GRIA4: variants seen among roughly 807,000 people sequenced by gnomAD.
The protein encoded by GRIA4 is glutamate receptor 4.
Under a neutral mutation model 104.0 loss-of-function variants are expected in GRIA4, and 34 were observed. The observed-to-expected ratio is 0.33, with a 90% confidence interval of 0.25 to 0.44. GRIA4 has a LOEUF of 0.44. Among genes scored for constraint, GRIA4 ranks in the 20% least tolerant of loss-of-function variants. GRIA4 has a pLI of 1.00. For synonymous variants in GRIA4, 386 were observed against 381.9 expected (o/e 1.01, Z -0.13); for missense variants, 750 against 1,096.5 (o/e 0.68, Z 4.46).
intron 4 of GRIA4, among the ~76,000 whole-genome samples, chr11:105,839,722 TA>T (rs975079006): frequency 1.5e-4 from 22 of 150,742 alleles, no homozygotes; most frequent in East Asian, 3.9e-4. Flanking sequence ...AAATAAAAAA[TA>T]AAAAAAAAGA....
chr11:105,826,924 T>C (rs1481330185), intron 4 of GRIA4, among the ~76,000 whole-genome samples: 1 of 152,060 alleles, frequency 6.6e-6, no homozygotes, highest in African/African-American at 2.4e-5. Flanking sequence ...TTCTCATTAA[T>C]AGGCAATAAA....
At position 105,745,486 on chromosome 11, in the gene GRIA4, C is replaced by A. The variant is rs192530792; in HGVS notation, c.248-7495C>A. On this transcript the variant is annotated intron_variant, in intron 3 of 16. Coordinates refer to ENST00000282499, the MANE Select transcript of GRIA4 (RefSeq NM_000829.4). Reference sequence around the variant, plus strand: ...GAAGAGGTAAAGTGACAGAAAAACACAAAACATCTACCATATCTACACCGA... The same window carrying A: ...GAAGAGGTAAAGTGACAGAAAAACAAAAAACATCTACCATATCTACACCGA... 1.9e-3 allele frequency among the ~76,000 whole-genome samples: 290 copies of A among 151,742 alleles called. 2 individuals carry two copies. Among genetic ancestry groups the A allele is most frequent in the African/African-American group, 6.6e-3 (275 of 41,374 alleles).
chr11:105,651,699 C>T (rs1951690803), intron 3 of GRIA4, among the ~76,000 whole-genome samples: 1 of 151,770 alleles, frequency 6.6e-6, no homozygotes, highest in African/African-American at 2.4e-5. Context: ...CACTGTTTTC[C>T]TCTGCACACT....
At chr11:105,634,259 A>T (rs918121145) in intron 3 of GRIA4, among the ~76,000 whole-genome samples, 2 of 151,574 alleles carry the variant, frequency 1.3e-5, no homozygotes, top group African/African-American at 4.9e-5. Context: ...AGGCAGGAGA[A>T]TCACTTGAAC....
At chr11:105,806,800 C>T (rs1404511483) in intron 4 of GRIA4, among the ~76,000 whole-genome samples, 1 of 150,694 alleles carries the variant, frequency 6.6e-6, no homozygotes, top group Non-Finnish European at 1.5e-5. Flanking sequence ...GCTACATATG[C>T]ATGAAACAAG....
intron 4 of GRIA4, among the ~76,000 whole-genome samples, chr11:105,798,227 G>A (rs1942572108): frequency 6.6e-6 from 1 of 152,008 alleles, no homozygotes; most frequent in Non-Finnish European, 1.5e-5. Context: ...GTAAAGCAGG[G>A]AACAAGGATA....
chr11:105,923,280 T>C (rs1384039849), intron 11 of GRIA4, among the ~76,000 whole-genome samples: 2 of 152,174 alleles, frequency 1.3e-5, no homozygotes, highest in Non-Finnish European at 2.9e-5. Flanking sequence ...GTTTTCACAC[T>C]ACACTTGATT....
intron 5 of GRIA4, among the ~76,000 whole-genome samples, chr11:105,876,692 C>T (rs936273553): frequency 2.0e-5 from 3 of 152,028 alleles, no homozygotes; most frequent in Admixed American, 2.0e-4. Context: ...CTTTTTTGAT[C>T]TTTGTTGATT....
intron 16 of GRIA4, among the ~76,000 whole-genome samples, chr11:105,975,335 C>T (rs553371393): frequency 2.6e-5 from 4 of 151,204 alleles, no homozygotes; most frequent in Admixed American, 6.6e-5. Context: ...ATAAAAATTG[C>T]AGTGAGTCAT....
rs150923757 is a variant in GRIA4 at position 105,702,690 on chromosome 11, C to CTTTTTTTTTTTTTTTTTTTTT, written c.248-50288_248-50287insTTTTTTTTTTTTTTTTTTTTT. Among the ~76,000 whole-genome samples, 13 of 96,074 alleles carry CTTTTTTTTTTTTTTTTTTTTT rather than the reference C, an allele frequency of 1.4e-4. 6 individuals carry two copies. The highest frequency in any genetic ancestry group is 1.3e-4 in the Non-Finnish European group (7 of 52,524). The allele number at this position is 96,074 out of a possible 152,430, so 63.0% of individuals were successfully genotyped here. A position where few individuals can be genotyped will look rare whatever the true frequency, so the allele number is the denominator to read the frequency against. On this transcript the variant is annotated intron_variant, in intron 3 of 16. Transcript: ENST00000282499. ...TTATAAGATATGCAAAATTATTTTC[C>CTTTTTTTTTTTTTTTTTTTTT]TTTCTTTTTTTTTTTTTTTTTTTTG...
chr11:105,711,476 C>A (rs1953909004), intron 3 of GRIA4, among the ~76,000 whole-genome samples: 1 of 151,870 alleles, frequency 6.6e-6, no homozygotes, highest in Non-Finnish European at 1.5e-5. Context: ...TATGATAGAA[C>A]ATACTGTGTC....
intron 3 of GRIA4, among the ~76,000 whole-genome samples, chr11:105,694,058 A>C (rs914960252): frequency 2.6e-5 from 4 of 152,212 alleles, no homozygotes; most frequent in African/African-American, 9.6e-5. Flanking sequence ...AGTAACTTCC[A>C]ATAAAGATAC....
intron 16 of GRIA4, among the ~76,000 whole-genome samples, chr11:105,979,203 G>C (rs1859147349): frequency 6.6e-6 from 1 of 152,146 alleles, no homozygotes; most frequent in South Asian, 2.1e-4. Context: ...GACATTTCAT[G>C]ACAAGGAAAT....
intron 10 of GRIA4, among the ~76,000 whole-genome samples, chr11:105,917,688 G>T: frequency 6.6e-6 from 1 of 152,038 alleles, no homozygotes; most frequent in East Asian, 1.9e-4. Context: ...TGTGACCAGG[G>T]ACTCTCTCCA....
At chr11:105,851,088 C>G (rs1251302299) in intron 4 of GRIA4, among the ~76,000 whole-genome samples, 1 of 152,036 alleles carries the variant, frequency 6.6e-6, no homozygotes, top group South Asian at 2.1e-4. Flanking sequence ...AACACCATGC[C>G]AATAAAGCAC....
At chr11:105,695,478 CTGTGTGTGTGTG>C (rs368292284) in intron 3 of GRIA4, among the ~76,000 whole-genome samples, 1 of 135,154 alleles carries the variant, frequency 7.4e-6, no homozygotes, top group Non-Finnish European at 1.6e-5. Flanking sequence ...GTGTGTGTGT[CTGTGTGTGTGTG>C]TGTGTGTGTG....
At chr11:105,896,598 G>A (rs916892327) in intron 6 of GRIA4, among the ~76,000 whole-genome samples, 1 of 151,972 alleles carries the variant, frequency 6.6e-6, no homozygotes, top group Non-Finnish European at 1.5e-5. Flanking sequence ...TTGGTATATG[G>A]TGAAAGGTAG....
At chr11:105,747,533 T>A (rs947362663) in intron 3 of GRIA4, among the ~76,000 whole-genome samples, 4 of 152,140 alleles carry the variant, frequency 2.6e-5, no homozygotes, top group African/African-American at 9.7e-5. Flanking sequence ...ATTATTCAGA[T>A]GGAGTATGGA....
At chr11:105,829,320 G>A (rs1035543125) in intron 4 of GRIA4, among the ~76,000 whole-genome samples, 1 of 151,944 alleles carries the variant, frequency 6.6e-6, no homozygotes, top group Non-Finnish European at 1.5e-5. Flanking sequence ...CAAGATCACT[G>A]ACTAGCTCTT....
Sources: gnomAD v4.1 joint callset for allele counts (sites outside exome capture counted in the v4.1 genomes callset) on GRCh38, gnomAD v4.1.1 for gene constraint, MANE v1.5 for transcripts, NCBI Gene and HGNC (gene_info 2026-07-23, HGNC 2026-07-21) for gene names.